OTOF: variants seen among roughly 807,000 people sequenced by gnomAD.
The protein encoded by OTOF is fer-1-like family member 2.
In OTOF, 218 loss-of-function variants were observed where a neutral mutation model predicts 236.8. The observed-to-expected ratio is 0.92, with a 90% CI of 0.82 to 1.03. The LOEUF (loss-of-function observed/expected upper bound fraction) is 1.03, where lower values mean the gene tolerates loss of function less well. Ranked by LOEUF, OTOF falls within the 50% of genes least tolerant of loss-of-function variation. The pLI is 0.00. For synonymous variants in OTOF, 1,041 were observed against 1,072.5 expected, an observed-to-expected ratio of 0.97 and a Z score of 0.57; for missense variants, 2,590 against 2,694.4, an observed-to-expected ratio of 0.96 and a Z score of 0.86.
chr2:26,537,667 T>TC (rs1307065505), intron 2 of OTOF, 49 bp downstream of exon 2: 1 of 1,424,808 alleles, frequency 7.0e-7, no homozygotes, highest in Non-Finnish European at 9.7e-7. Flanking sequence ...GGGTGGCTGT[T>TC]CCCCTCTGGG....
rs184988646 is a variant in OTOF at position 26,511,037 on chromosome 2, C to T, written c.509+5381G>A. On this transcript the variant is annotated intron_variant, in intron 5 of 46. Transcript: ENST00000272371. ...CTGATACCTCAGGGCCTCAGCTCATCGCCCCTACCAGGCTAAGATCTGATG... is the reference window on the plus strand; with the variant it reads ...CTGATACCTCAGGGCCTCAGCTCATTGCCCCTACCAGGCTAAGATCTGATG... Among the ~76,000 whole-genome samples, 200 of 152,372 alleles carry T rather than the reference C, an allele frequency of 1.3e-3. 1 individual carries two copies. Among genetic ancestry groups the T allele is most frequent in the South Asian group, 0.012 (56 of 4,830 alleles).
intron 8 of OTOF, among the ~76,000 whole-genome samples, chr2:26,496,067 G>A (rs6750462): frequency 0.27 from 41,797 of 152,026 alleles, 7,400 homozygotes; most frequent in East Asian, 0.54. Context: ...TGTGCACTCT[G>A]CTGTGTCCTT....
intron 30 of OTOF, among the ~76,000 whole-genome samples, chr2:26,471,781 G>A (rs773191393): frequency 3.3e-5 from 5 of 151,940 alleles, no homozygotes; most frequent in Admixed American, 3.3e-4. Flanking sequence ...TACGCACACC[G>A]CAAGCATGCA....
chr2:26,474,631 A>G lies in OTOF; in HGVS notation c.3170T>C (p.Val1057Ala). 1.2e-6 allele frequency: 2 copies of G among 1,613,282 alleles called. No homozygotes were observed. The highest frequency in any genetic ancestry group is 1.7e-6 in the Non-Finnish European group (2 of 1,180,000). Residue 1057 changes from valine (V) to alanine (A), a missense_variant, in exon 26 of 47, where the codon GTG (valine) becomes GCG (alanine). By Grantham distance (64) the Val-to-Ala change is moderately conservative. Around this residue, in one of 2 missense-constraint regions of OTOF, gnomAD observed 1,211 missense variants for 1,352.8 expected, o/e 0.90. Coordinates refer to ENST00000272371, the MANE Select transcript of OTOF (RefSeq NM_194248.3). The part of the protein sequence containing the change: ...FMGRTFAKPL[V>A]KMADEAYCPP... ...GCAGTACGCCTCGTCTGCCATCTTC[A>G]CCAGGGGTTTGGCGAAGGTCCGGCC... is the stretch of plus-strand genomic sequence containing the variant.
At position 26,473,931 on chromosome 2, in the gene OTOF, C is replaced by T. The variant is rs1558480208; in HGVS notation, c.3408+60G>A. The stretch of plus-strand genomic sequence containing the variant: ...GTGGGAGGGGGATGACAAGCCACTT[C>T]CCCTCCTGGGTCCTCAGACTCCTCA... On this transcript the variant is annotated intron_variant, in intron 27 of 46. Coordinates refer to ENST00000272371, the MANE Select transcript of OTOF (RefSeq NM_194248.3). This position sits in a 1 kb window ranked among gnomAD's most constrained non-coding sequence, Gnocchi z 7.2. 9 of 1,607,934 alleles carry T rather than the reference C, an allele frequency of 5.6e-6. No homozygotes were observed. Among genetic ancestry groups the T allele is most frequent in the African/African-American group, 1.3e-5 (1 of 74,832 alleles).
intron 14 of OTOF, among the ~76,000 whole-genome samples, chr2:26,481,958 C>G (rs939869860): frequency 6.6e-6 from 1 of 152,134 alleles, no homozygotes; most frequent in African/African-American, 2.4e-5. Flanking sequence ...ACTCTATGTC[C>G]TTGGAACCCA....
chr2:26,464,935 G>C lies in OTOF; in HGVS notation c.4894C>G (p.Pro1632Ala). Reference protein sequence around the residue: ...DGKVDGPHFGPPGRVKVANRV... With the variant: ...DGKVDGPHFGAPGRVKVANRV... ...TTGGCCACCTTCACTCTCCCAGGGG[G>C]CCCAAAGTGGGGGCCGTCCACTTTG... is the stretch of plus-strand genomic sequence containing the variant. The change falls in exon 39 of 47, where the codon CCC (proline) becomes GCC (alanine). Residue 1632 changes from proline (P) to alanine (A), a missense_variant. This residue lies in a region of OTOF where 1,211 missense variants were observed against 1,352.8 expected (regional missense o/e 0.90). Coordinates refer to ENST00000272371, the MANE Select transcript of OTOF (RefSeq NM_194248.3). 2 of 1,582,216 alleles carry C rather than the reference G, an allele frequency of 1.3e-6. No homozygotes were observed. The highest frequency in any genetic ancestry group is 1.4e-5 in the African/African-American group (1 of 72,960).
rs555778976 is a variant in OTOF, at chr2:26,477,519, C to T, written c.2316-13G>A. On this transcript the variant is annotated splice_polypyrimidine_tract_variant and intron_variant, in intron 19 of 46. Transcript: ENST00000272371. The surrounding 1 kb of genome is among the most constrained non-coding windows in gnomAD (Gnocchi z 4.7). ...GGAGAGGAAGCGGCTGGGGGTAGGG[C>T]GAGCCGGGGTTTAGCGAGCCTGACC... 7 of 1,598,880 alleles carry T rather than the reference C, an allele frequency of 4.4e-6. No homozygotes were observed. The highest frequency in any genetic ancestry group is 2.3e-5 in the East Asian group (1 of 44,258).
At position 26,470,419 on chromosome 2, in the gene OTOF, C is replaced by T. The variant is rs1664918238; in HGVS notation, c.4023+174G>A. On this transcript the variant is annotated intron_variant, in intron 32 of 46. Coordinates refer to ENST00000272371, the MANE Select transcript of OTOF (RefSeq NM_194248.3). The surrounding 1 kb of genome is among the most constrained non-coding windows in gnomAD (Gnocchi z 4.3). ...ACCAAGCAGGGAAGGTAGATGGGACCATCATCTTGGAAGGTGAGTTCTGAG... is the reference window on the plus strand; with the variant it reads ...ACCAAGCAGGGAAGGTAGATGGGACTATCATCTTGGAAGGTGAGTTCTGAG... Among the ~76,000 whole-genome samples, 1 of 151,966 alleles carries T rather than the reference C, an allele frequency of 6.6e-6. No individual in the cohort carries two copies.
chr2:26,556,739 G>A (rs1180910159), intron 1 of OTOF, among the ~76,000 whole-genome samples: 1 of 152,122 alleles, frequency 6.6e-6, no homozygotes, highest in Non-Finnish European at 1.5e-5. Flanking sequence ...GCTCCTCCGT[G>A]AATGCCACGC....
chr2:26,546,434 C>G (rs1489891678), intron 1 of OTOF, among the ~76,000 whole-genome samples: 1 of 150,560 alleles, frequency 6.6e-6, no homozygotes, highest in East Asian at 1.9e-4. Flanking sequence ...GCACTCCAGC[C>G]TGGGCAACAA....
chr2:26,538,351 G>A (rs11687195), intron 1 of OTOF, among the ~76,000 whole-genome samples: 52,267 of 152,182 alleles, frequency 0.34, 11,293 homozygotes, highest in Admixed American at 0.49. Context: ...ATGGTTGTCC[G>A]TCTTCCTGTC....
intron 3 of OTOF, among the ~76,000 whole-genome samples, chr2:26,527,390 T>C (rs180747099): frequency 3.0e-4 from 45 of 152,340 alleles, no homozygotes; most frequent in African/African-American, 1.1e-3. Context: ...AGATCAGGCT[T>C]GCCTGACTCC....
chr2:26,473,187 C>CAGGG lies in OTOF; in HGVS notation c.3674_3677dup (p.Arg1227ProfsTer66), dbSNP rs1177208694. 1.9e-6 allele frequency: 3 copies of CAGGG among 1,613,072 alleles called. No homozygotes were observed. Among genetic ancestry groups the CAGGG allele is most frequent in the Non-Finnish European group, 8.5e-7 (1 of 1,179,986 alleles). On this transcript the variant is annotated frameshift_variant, in exon 29 of 47. Transcript: ENST00000272371. LOFTEE classifies it high-confidence loss of function. The surrounding 1 kb of genome is among the most constrained non-coding windows in gnomAD (Gnocchi z 7.2). ...CTGGGGGCCGGTAGATGAAGCGTCGCAGGGAGCTGACGGCATGGGAGCCCA... is the reference window on the plus strand; with the variant it reads ...CTGGGGGCCGGTAGATGAAGCGTCGCAGGGAGGGAGCTGACGGCATGGGAGCCCA...
rs779830424 is a variant in OTOF, at chr2:26,476,996, G to A, written c.2571C>T (p.Asn857=). The change falls in exon 22 of 47, where the codon AAC becomes AAT. Residue 857 remains asparagine (N), a synonymous_variant. Coordinates refer to ENST00000272371, the MANE Select transcript of OTOF (RefSeq NM_194248.3). ...PDIFIWMMSN[N]KRVAYARVPS... Reference sequence around the variant, plus strand: ...GCACACGGGCATAGGCGACACGCTTGTTGTTGCTCATCATCCAGATGAAGA... The same window carrying A: ...GCACACGGGCATAGGCGACACGCTTATTGTTGCTCATCATCCAGATGAAGA... 1 of 1,611,048 alleles carries A rather than the reference G, an allele frequency of 6.2e-7. No individual in the cohort carries two copies. The highest frequency in any genetic ancestry group is 1.1e-5 in the South Asian group (1 of 90,980).
rs1664656280 is a variant in OTOF at position 26,464,938 on chromosome 2, C to G, written c.4891G>C (p.Gly1631Arg). 2 of 1,582,482 alleles carry G rather than the reference C, an allele frequency of 1.3e-6. No homozygotes were observed. The highest frequency in any genetic ancestry group is 1.2e-5 in the South Asian group (1 of 85,380). ...GCCACCTTCACTCTCCCAGGGGGCC[C>G]AAAGTGGGGGCCGTCCACTTTGCCG... ...KDGKVDGPHF[G>R]PPGRVKVANR... Residue 1631 changes from glycine to arginine, a missense_variant, in exon 39 of 47, where the codon GGG (glycine) becomes CGG (arginine). Physicochemically the swap from Gly to Arg is moderately radical, Grantham distance 125 (BLOSUM62 -2). This residue lies in a region of OTOF where 1,211 missense variants were observed against 1,352.8 expected (regional missense o/e 0.90). Coordinates refer to ENST00000272371, the MANE Select transcript of OTOF (RefSeq NM_194248.3).
chr2:26,468,611 G>A, intron 32 of OTOF, 137 bp from the exon 33 acceptor site: 1 of 763,678 alleles, frequency 1.3e-6, no homozygotes, highest in Non-Finnish European at 2.4e-6. Flanking sequence ...AGTCCACCAT[G>A]TGCTCTGCTT....
chr2:26,479,317 G>T lies in OTOF; in HGVS notation c.2161C>A (p.Gln721Lys). The T allele has an allele frequency of 6.2e-7, 1 of 1,612,318 alleles. No homozygotes were observed. The highest frequency in any genetic ancestry group is 8.5e-7 in the Non-Finnish European group (1 of 1,179,814). Residue 721 changes from glutamine (Q) to lysine (K), a missense_variant, in exon 18 of 47, where the codon CAG (glutamine) becomes AAG (lysine). This residue lies in a region of OTOF where 1,379 missense variants were observed against 1,341.6 expected (regional missense o/e 1.03). Transcript: ENST00000272371. ...TTGGCATTGTAGAGGCGGCGGCGCT[G>T]GTCCGGCCACCAGCTCTTGATGTAG... is the stretch of plus-strand genomic sequence containing the variant. ...CIYIKSWWPD[Q>K]RRRLYNANIM...
At chr2:26,523,973 GTCAGCCTGGGCCTGTGC>G (rs565770178) in intron 3 of OTOF, among the ~76,000 whole-genome samples, 179 of 152,322 alleles carry the variant, frequency 1.2e-3, no homozygotes, top group African/African-American at 3.9e-3. Context: ...GCTGGCCTGT[GTCAGCCTGGGCCTGTGC>G]TCTCCACAAG....
Sources: allele counts gnomAD v4.1 joint callset (sites outside exome capture counted in the v4.1 genomes callset), GRCh38; gene constraint gnomAD v4.1.1; regional missense constraint gnomAD v4.1.1; non-coding constraint Gnocchi (gnomAD v3.1); transcripts MANE v1.5; gene names NCBI Gene and HGNC (gene_info 2026-07-23, HGNC 2026-07-21).